The following NTRK3 variants were observed in gnomAD, a reference collection of about 807,000 sequenced individuals.
The protein encoded by NTRK3 is neurotrophic receptor tyrosine kinase 3.
A neutral mutation model predicts 91.7 loss-of-function variants in NTRK3; 24 were observed. The ratio of observed to expected loss-of-function variants is 0.26; its 90% confidence interval spans 0.19 to 0.37. NTRK3 has a LOEUF of 0.37. Among genes scored for constraint, NTRK3 ranks in the 10% least tolerant of loss-of-function variants. The pLI is 1.00. For missense variants in NTRK3, 880 were observed against 1,068.9 expected (o/e 0.82, Z 2.46); for synonymous variants, 483 against 404.0 (o/e 1.20, Z -2.34).
At chr15:88,171,549 T>C (rs2045519393) in intron 5 of NTRK3, among the ~76,000 whole-genome samples, 1 of 152,166 alleles carries the variant, frequency 6.6e-6, no homozygotes, top group Admixed American at 6.5e-5. Flanking sequence ...GGTTCTAAAA[T>C]AGCTTCCAAG....
At chr15:88,159,824 C>G (rs1172523251) in intron 5 of NTRK3, among the ~76,000 whole-genome samples, 3 of 151,960 alleles carry the variant, frequency 2.0e-5, no homozygotes. Flanking sequence ...CAGGGCAGGG[C>G]CATCACAGCA....
rs997785919 is a variant in NTRK3, at chr15:87,977,951, G to A, written c.1586-37198C>T. On this transcript the variant is annotated intron_variant, in intron 14 of 18. Coordinates refer to ENST00000394480, the Ensembl canonical transcript of NTRK3. The stretch of plus-strand genomic sequence containing the variant: ...GTGTGCAACACCACCCCAAAACAAC[G>A]GTGGGTTAAAACAACCACCTTTTTC... The A allele has an allele frequency of 4.3e-5, 10 of 232,406 alleles. No homozygotes were observed. In the South Asian group the frequency reaches 9.1e-4, roughly 21 times the overall value. The allele number at this position is 232,406 out of a possible 1,614,324, so 14.4% of individuals were successfully genotyped here. A position where few individuals can be genotyped will look rare whatever the true frequency, so the allele number is the denominator to read the frequency against.
intron 15 of NTRK3, among the ~76,000 whole-genome samples, chr15:87,937,425 A>T (rs1372814571): frequency 6.6e-6 from 1 of 152,180 alleles, no homozygotes; most frequent in Non-Finnish European, 1.5e-5. Context: ...GCATAAAAAC[A>T]TTGGGAAAAT....
rs111290228 is a variant in NTRK3 at position 87,924,740 on chromosome 15, C to T, written c.2133+4451G>A. Among the ~76,000 whole-genome samples the T allele has an allele frequency of 9.9e-3, 1,514 of 152,276 alleles. 19 individuals carry two copies. The highest frequency in any genetic ancestry group is 0.034 in the Middle Eastern group (10 of 294). ...CTCTTGGTCTGGAATGACCTATTTC[C>T]TAATTCTAAATTCCCTTTCTGACTT... On this transcript the variant is annotated intron_variant, in intron 17 of 18. Transcript: ENST00000394480.
At chr15:88,034,152 G>C (rs2078862362) in intron 13 of NTRK3, among the ~76,000 whole-genome samples, 1 of 152,118 alleles carries the variant, frequency 6.6e-6, no homozygotes, top group South Asian at 2.1e-4. Context: ...TTCACAGGGA[G>C]GTAAGTCCAC....
chr15:88,012,886 T>C (rs2076978918), intron 14 of NTRK3, among the ~76,000 whole-genome samples: 1 of 152,224 alleles, frequency 6.6e-6, no homozygotes. Flanking sequence ...CTGAAGTGAA[T>C]CCTGAGAATT....
At position 87,885,682 on chromosome 15, in the gene NTRK3, T is replaced by A. The variant is rs1407505553; in HGVS notation, c.2134-5254A>T. On this transcript the variant is annotated intron_variant, in intron 17 of 18. Transcript: ENST00000394480. ...GAACTATTCATTAAAAAAAATACGCTTAGATACCTACCTCACACCATATAC... is the reference window on the plus strand; with the variant it reads ...GAACTATTCATTAAAAAAAATACGCATAGATACCTACCTCACACCATATAC... 2 of 1,382,580 alleles carry A rather than the reference T, an allele frequency of 1.4e-6. No homozygotes were observed. Among genetic ancestry groups the A allele is most frequent in the Non-Finnish European group, 1.9e-6 (2 of 1,025,748 alleles). The allele number at this position is 1,382,580 out of a possible 1,614,324, so 85.6% of individuals were successfully genotyped here.
Position 87,923,043 on chromosome 15 carries a change from C to G in NTRK3, c.2133+6148G>C, listed in dbSNP as rs1283101598. ...GAAAAGGGGATCTTGCAAAATAACTCTCTCCACATTCAGAGTAGCAATACA... is the reference window on the plus strand; with the variant it reads ...GAAAAGGGGATCTTGCAAAATAACTGTCTCCACATTCAGAGTAGCAATACA... On this transcript the variant is annotated intron_variant, in intron 17 of 18. Coordinates refer to ENST00000394480, the Ensembl canonical transcript of NTRK3. Among the ~76,000 whole-genome samples, 4 of 152,188 alleles carry G rather than the reference C, an allele frequency of 2.6e-5. No homozygotes were observed. The East Asian group carries it at 7.7e-4, about 29-fold the overall frequency.
chr15:88,008,730 A>G (rs1037222150), intron 14 of NTRK3, among the ~76,000 whole-genome samples: 10 of 151,874 alleles, frequency 6.6e-5, no homozygotes, highest in African/African-American at 2.2e-4. Context: ...CTTCATATTA[A>G]ACAGACGCTA....
chr15:88,078,440 G>T (rs1426029677), intron 13 of NTRK3, among the ~76,000 whole-genome samples: 1 of 152,204 alleles, frequency 6.6e-6, no homozygotes, highest in Non-Finnish European at 1.5e-5. Context: ...CTTGAAGTCA[G>T]GAGTTCAAAG....
intron 14 of NTRK3, among the ~76,000 whole-genome samples, chr15:87,969,923 A>T (rs1218265205): frequency 3.3e-5 from 5 of 152,230 alleles, no homozygotes; most frequent in African/African-American, 1.2e-4. Context: ...CCTCACCCAA[A>T]GGGGCAGCCA....
intron 13 of NTRK3, among the ~76,000 whole-genome samples, chr15:88,117,097 T>C (rs1448255198): frequency 2.0e-5 from 3 of 152,226 alleles, no homozygotes; most frequent in Non-Finnish European, 4.4e-5. Flanking sequence ...CTGAATTAAG[T>C]GACCTGGAGT....
At chr15:87,915,098 G>A (rs1412367823) in intron 17 of NTRK3, among the ~76,000 whole-genome samples, 1 of 152,110 alleles carries the variant, frequency 6.6e-6, no homozygotes, top group African/African-American at 2.4e-5. Context: ...TGCTGGTGAT[G>A]GGGGTGGTGA....
intron 13 of NTRK3, among the ~76,000 whole-genome samples, chr15:88,096,332 T>C (rs1230002177): frequency 1.3e-5 from 2 of 152,190 alleles, no homozygotes; most frequent in Non-Finnish European, 2.9e-5. Context: ...TCAGTTTCTG[T>C]GGCTTATATA....
chr15:88,228,026 G>A (rs1389452832), intron 3 of NTRK3, among the ~76,000 whole-genome samples: 1 of 152,124 alleles, frequency 6.6e-6, no homozygotes, highest in African/African-American at 2.4e-5. Flanking sequence ...TTATGCCCAA[G>A]CCAGCCCAGA....
At chr15:88,126,161 A>G in intron 13 of NTRK3, 110 bp downstream of exon 13, 2 of 801,826 alleles carry the variant, frequency 2.5e-6, no homozygotes, top group East Asian at 5.4e-5. Context: ...GTTAGACCCC[A>G]TGACCGGAGG....
chr15:88,031,617 AT>A (rs1286053651), intron 14 of NTRK3, among the ~76,000 whole-genome samples: 1 of 152,164 alleles, frequency 6.6e-6, no homozygotes, highest in African/African-American at 2.4e-5. Context: ...ACTGAGACAG[AT>A]TCTGGAGAAC....
At chr15:87,880,123 A>G in intron 18 of NTRK3, 147 bp downstream of exon 19, 1 of 965,004 alleles carries the variant, frequency 1.0e-6, no homozygotes, top group Non-Finnish European at 1.6e-6. Context: ...TTTCCTACTA[A>G]GAAGCTCTCT....
chr15:87,899,498 C>T (rs1410160377), intron 17 of NTRK3, among the ~76,000 whole-genome samples: 1 of 151,848 alleles, frequency 6.6e-6, no homozygotes, highest in Non-Finnish European at 1.5e-5. Context: ...AAAGGCACAA[C>T]TGTAGCTAGA....
Sources: allele counts gnomAD v4.1 joint callset (sites outside exome capture counted in the v4.1 genomes callset), GRCh38; gene constraint gnomAD v4.1.1; transcripts MANE v1.5; gene names NCBI Gene and HGNC (gene_info 2026-07-23, HGNC 2026-07-21).